Variants in CNTN3 observed in about 807,000 individuals in gnomAD.
CNTN3 encodes the protein contactin 3, also known as contactin-3.
Under a neutral mutation model 119.1 loss-of-function variants are expected in CNTN3, and 60 were observed. That is an observed-to-expected ratio of 0.50 (90% CI 0.41 to 0.62). The LOEUF (loss-of-function observed/expected upper bound fraction) is 0.62. Among genes scored for constraint, CNTN3 ranks in the 20% least tolerant of loss-of-function variants. The pLI, the probability that CNTN3 is intolerant of heterozygous loss-of-function variation, is 0.00. For missense variants in CNTN3, 1,101 were observed against 1,242.4 expected, an observed-to-expected ratio of 0.89 and a Z score of 1.71; for synonymous variants, 450 against 438.7, an observed-to-expected ratio of 1.03 and a Z score of -0.32.
At chr3:74,536,279 A>G (rs540596292) in intron 1 of CNTN3, among the ~76,000 whole-genome samples, 21 of 152,186 alleles carry the variant, frequency 1.4e-4, no homozygotes, top group African/African-American at 5.1e-4. Context: ...GCCGTAGGCC[A>G]CAGAAGCCTC....
chr3:74,580,751 A>G (rs1704492404), intron 1 of CNTN3, among the ~76,000 whole-genome samples: 1 of 152,214 alleles, frequency 6.6e-6, no homozygotes, highest in South Asian at 2.1e-4. Context: ...CAAAAAACCT[A>G]CAACTAACAT....
chr3:74,312,035 C>T (rs1008647151), intron 13 of CNTN3, among the ~76,000 whole-genome samples: 1 of 152,062 alleles, frequency 6.6e-6, no homozygotes, highest in African/African-American at 2.4e-5. Context: ...GTTAATTTTG[C>T]CTCAGAGAGT....
chr3:74,587,416 T>C (rs987568630), intron 1 of CNTN3, among the ~76,000 whole-genome samples: 2 of 151,998 alleles, frequency 1.3e-5, no homozygotes, highest in African/African-American at 2.4e-5. Context: ...CAACTTATCA[T>C]GTTCCCTTTT....
chr3:74,503,338 T>C (rs368832218), intron 2 of CNTN3, among the ~76,000 whole-genome samples: 12 of 152,250 alleles, frequency 7.9e-5, no homozygotes, highest in African/African-American at 2.9e-4. Context: ...ATCTCTGAAA[T>C]TTAAGGCTCC....
chr3:74,499,319 T>C (rs1157544572), intron 3 of CNTN3, among the ~76,000 whole-genome samples: 2 of 151,964 alleles, frequency 1.3e-5, no homozygotes, highest in African/African-American at 2.4e-5. Context: ...TGTTTAACTA[T>C]GATTTCAAAT....
intron 5 of CNTN3, among the ~76,000 whole-genome samples, chr3:74,410,175 C>T (rs1484883973): frequency 6.6e-6 from 1 of 152,178 alleles, no homozygotes; most frequent in Non-Finnish European, 1.5e-5. Flanking sequence ...TTCTTACTCT[C>T]TACTCTTGTA....
intron 13 of CNTN3, among the ~76,000 whole-genome samples, chr3:74,329,080 A>G (rs1703198428): frequency 6.6e-6 from 1 of 152,216 alleles, no homozygotes; most frequent in African/African-American, 2.4e-5. Flanking sequence ...TCAAAATTTT[A>G]GTCTTCACAC....
chr3:74,299,245 G>A (rs1374410017), intron 17 of CNTN3, among the ~76,000 whole-genome samples: 2 of 152,134 alleles, frequency 1.3e-5, no homozygotes, highest in African/African-American at 2.4e-5. Flanking sequence ...TAAACTCAAA[G>A]CTATACTTGA....
rs575944238 is a variant in CNTN3, at chr3:74,321,787, C to G, written c.1668+12948G>C. The stretch of plus-strand genomic sequence containing the variant: ...ATGCTATGTCTACAAATTTGAGAAC[C>G]TAGATGAAATGGATCAATTCCTTGA... On this transcript the variant is annotated intron_variant, in intron 13 of 22. Coordinates refer to ENST00000263665, the MANE Select transcript of CNTN3 (RefSeq NM_020872.3). Among the ~76,000 whole-genome samples the G allele has an allele frequency of 2.0e-5, 3 of 152,122 alleles. No homozygotes were observed. The South Asian group carries it at 6.2e-4, about 32-fold the overall frequency.
At chr3:74,467,475 T>A (rs919508107) in intron 4 of CNTN3, among the ~76,000 whole-genome samples, 1 of 152,248 alleles carries the variant, frequency 6.6e-6, no homozygotes, top group East Asian at 1.9e-4. Flanking sequence ...ATCACAGCGG[T>A]ATAATGGATA....
At chr3:74,338,310 G>A (rs2106717401) in intron 11 of CNTN3, among the ~76,000 whole-genome samples, 1 of 151,726 alleles carries the variant, frequency 6.6e-6, no homozygotes. Flanking sequence ...TTTTAGGTGT[G>A]TTTCAAAAAT....
In CNTN3 at chr3:74,263,273, T is replaced by C. The variant is rs1701609408; in HGVS notation, c.*1128A>G. On this transcript the variant is annotated 3_prime_UTR_variant, in exon 23 of 23. Coordinates refer to ENST00000263665, the MANE Select transcript of CNTN3 (RefSeq NM_020872.3). ...AGCATTGCCTTGGTTCTATTACAAA[T>C]TTAACTCAGGAACTAAAAAGCCTGC... 1 of 152,096 alleles carries C rather than the reference T, an allele frequency of 6.6e-6. No individual in the cohort carries two copies. Among genetic ancestry groups the C allele is most frequent in the Admixed American group, 6.6e-5 (1 of 15,252 alleles). The allele number at this position is 152,096 out of a possible 1,614,324, so 9.4% of individuals were successfully genotyped here.
chr3:74,405,082 G>A (rs1276052350), intron 5 of CNTN3, among the ~76,000 whole-genome samples: 1 of 151,918 alleles, frequency 6.6e-6, no homozygotes, highest in East Asian at 1.9e-4. Context: ...TTTATATACG[G>A]TTTCTGTCTT....
chr3:74,405,260 T>C (rs750652123), intron 5 of CNTN3, among the ~76,000 whole-genome samples: 2 of 152,106 alleles, frequency 1.3e-5, no homozygotes, highest in Non-Finnish European at 2.9e-5. Context: ...ATCGATAATC[T>C]ACTCTTTCTC....
intron 1 of CNTN3, among the ~76,000 whole-genome samples, chr3:74,566,804 G>A (rs1015100897): frequency 2.0e-5 from 3 of 152,134 alleles, no homozygotes; most frequent in Non-Finnish European, 4.4e-5. Flanking sequence ...GAGGCTACAA[G>A]GTCCTGGAGA....
intron 5 of CNTN3, among the ~76,000 whole-genome samples, chr3:74,424,537 G>T (rs1458030162): frequency 6.6e-6 from 1 of 151,710 alleles, no homozygotes; most frequent in East Asian, 1.9e-4. Context: ...GTTTGACATG[G>T]CATAAAACTA....
intron 13 of CNTN3, among the ~76,000 whole-genome samples, chr3:74,323,296 G>C (rs1431034467): frequency 6.6e-6 from 1 of 152,110 alleles, no homozygotes; most frequent in East Asian, 1.9e-4. Context: ...ATGAACCTTA[G>C]CAACTGTGTA....
intron 2 of CNTN3, among the ~76,000 whole-genome samples, chr3:74,513,692 C>T (rs958107483): frequency 1.3e-5 from 2 of 151,526 alleles, no homozygotes; most frequent in Admixed American, 1.3e-4. Flanking sequence ...TTCACGAGGG[C>T]ACTCACCACT....
intron 17 of CNTN3, among the ~76,000 whole-genome samples, 186 bp from the exon 18 acceptor site, chr3:74,298,377 C>T (rs943083029): frequency 6.6e-6 from 1 of 152,132 alleles, no homozygotes; most frequent in Non-Finnish European, 1.5e-5. Flanking sequence ...TTTAAACAGA[C>T]ATATGTCACC....
Sources: allele counts gnomAD v4.1 joint callset (sites outside exome capture counted in the v4.1 genomes callset), GRCh38; gene constraint gnomAD v4.1.1; transcripts MANE v1.5; gene names NCBI Gene and HGNC (gene_info 2026-07-23, HGNC 2026-07-21).